The following ATOH8 variants were observed in gnomAD, a reference collection of about 807,000 sequenced individuals.
ATOH8 encodes the protein atonal bHLH transcription factor 8, also known as transcription factor ATOH8.
ATOH8 carries 9 observed loss-of-function variants against 21.2 expected under a neutral mutation model. The observed-to-expected ratio is 0.42, with a 90% CI of 0.26 to 0.74. The LOEUF is 0.74. Ranked by LOEUF, ATOH8 falls within the 30% of genes least tolerant of loss-of-function variation. ATOH8 has a pLI of 0.24. For missense variants in ATOH8, 524 were observed against 470.9 expected (o/e 1.11, Z -1.04); for synonymous variants, 253 against 224.0 (o/e 1.13, Z -1.16).
At position 85,754,525 on chromosome 2, in the gene ATOH8, C is replaced by G; in HGVS notation, c.336C>G (p.Phe112Leu). The change falls in exon 1 of 3, where the codon TTC becomes TTG. Residue 112 changes from phenylalanine to leucine, a missense_variant. Coordinates refer to ENST00000306279, the MANE Select transcript of ATOH8 (RefSeq NM_032827.7). ...TCTCCGACGCGCGGAAACGCTGCTT[C>G]GCCCTAGGCGCAGTGGGGCCAGGAC... ...PEVSDARKRCFALGAVGPGLP... is the reference protein window; with the variant it reads ...PEVSDARKRCLALGAVGPGLP... The G allele has an allele frequency of 1.4e-6, 2 of 1,424,238 alleles. No homozygotes were observed. The highest frequency in any genetic ancestry group is 1.8e-6 in the Non-Finnish European group (2 of 1,099,522). 88.2% of individuals were successfully genotyped at this position (1,424,238 alleles called of 1,614,324 possible).
At chr2:85,774,056 A>T in intron 2 of ATOH8, 1 of 978,186 alleles carries the variant, frequency 1.0e-6, no homozygotes, top group Non-Finnish European at 1.2e-6. Flanking sequence ...AAGCTACCCC[A>T]CCAGCTCCTG....
At chr2:85,777,646 C>T (rs1680361878) in intron 2 of ATOH8, among the ~76,000 whole-genome samples, 1 of 152,210 alleles carries the variant, frequency 6.6e-6, no homozygotes. Flanking sequence ...AGGGCCCATC[C>T]AAGCTGTTTT....
At chr2:85,761,724 C>T (rs1188220139) in intron 1 of ATOH8, among the ~76,000 whole-genome samples, 3 of 152,236 alleles carry the variant, frequency 2.0e-5, no homozygotes, top group Non-Finnish European at 4.4e-5. Context: ...CACACCCTCC[C>T]TGGGGTGAAG....
rs1402277145 is a variant in ATOH8, at chr2:85,785,260, G to A, written c.961-1625G>A. The stretch of plus-strand genomic sequence containing the variant: ...GATGACGCGAGCTGTAAATCACCCC[G>A]TGGACCACAGACCCAGTGCCATCCC... On this transcript the variant is annotated intron_variant, in intron 2 of 2. Coordinates refer to ENST00000306279, the MANE Select transcript of ATOH8 (RefSeq NM_032827.7). This position sits in a 1 kb window ranked among gnomAD's most constrained non-coding sequence, Gnocchi z 4.1. Among the ~76,000 whole-genome samples the A allele has an allele frequency of 3.9e-5, 6 of 152,366 alleles. No homozygotes were observed. The highest frequency in any genetic ancestry group is 4.1e-4 in the South Asian group (2 of 4,826).
At chr2:85,786,296 T>C (rs1006069173) in intron 2 of ATOH8, among the ~76,000 whole-genome samples, 3 of 152,226 alleles carry the variant, frequency 2.0e-5, no homozygotes, top group Non-Finnish European at 4.4e-5. Flanking sequence ...TAGTGTTCCA[T>C]GTACTTCATT....
At chr2:85,765,358 C>T (rs1679984227) in intron 2 of ATOH8, among the ~76,000 whole-genome samples, 1 of 152,240 alleles carries the variant, frequency 6.6e-6, no homozygotes, top group African/African-American at 2.4e-5. Context: ...CCACGGACTC[C>T]AGACTCATGC....
At position 85,787,247 on chromosome 2, in the gene ATOH8, A is replaced by G; in HGVS notation, c.*357A>G. The G allele has an allele frequency of 6.6e-6, 2 of 300,790 alleles. No individual in the cohort carries two copies. The highest frequency in any genetic ancestry group is 1.7e-4 in the South Asian group (2 of 11,964). 18.6% of individuals were successfully genotyped at this position (300,790 alleles called of 1,614,324 possible). On this transcript the variant is annotated 3_prime_UTR_variant, in exon 3 of 3. Coordinates refer to ENST00000306279, the MANE Select transcript of ATOH8 (RefSeq NM_032827.7). ...GTGAAACCCCACAGCGAAAAGCCAC[A>G]CCGTTGCTCTGTGACTTTTGCTCCT...
chr2:85,754,318 C>T lies in ATOH8; in HGVS notation c.129C>T (p.Phe43=). The T allele has an allele frequency of 6.2e-7, 1 of 1,609,352 alleles. No individual in the cohort carries two copies. Among genetic ancestry groups the T allele is most frequent in the Non-Finnish European group, 8.5e-7 (1 of 1,178,608 alleles). ...GGCGCGCGAACGGCTATAAAACTTT[C>T]CGACTGGACTTGGAAGCGCCCGAGC... is the stretch of plus-strand genomic sequence containing the variant. ...PARRANGYKT[F]RLDLEAPEPR... is the part of the protein sequence containing the mutation. Residue 43 remains phenylalanine (F), a synonymous_variant, in exon 1 of 3, where the codon TTC becomes TTT. Coordinates refer to ENST00000306279, the MANE Select transcript of ATOH8 (RefSeq NM_032827.7).
rs900135652 is a variant in ATOH8, at chr2:85,788,771, A to G, written c.*1881A>G. Among the ~76,000 whole-genome samples, 5 of 152,166 alleles carry G rather than the reference A, an allele frequency of 3.3e-5. No homozygotes were observed. Among genetic ancestry groups the G allele is most frequent in the African/African-American group, 9.7e-5 (4 of 41,442 alleles). On this transcript the variant is annotated 3_prime_UTR_variant, in exon 3 of 3. Transcript: ENST00000306279. Reference sequence around the variant, plus strand: ...CCTGGGCTGGGCTGGGGCTGGCTGCAGGGAGCCCCCCTTGCAGTAGCGTTT... The same window carrying G: ...CCTGGGCTGGGCTGGGGCTGGCTGCGGGGAGCCCCCCTTGCAGTAGCGTTT...
chr2:85,761,958 C>T (rs1373794772), intron 1 of ATOH8, among the ~76,000 whole-genome samples: 1 of 152,288 alleles, frequency 6.6e-6, no homozygotes, highest in East Asian at 1.9e-4. Context: ...AGCTGGCTTT[C>T]TCTGTTGCCT....
chr2:85,779,000 C>T (rs1235883415), intron 2 of ATOH8, among the ~76,000 whole-genome samples: 1 of 151,724 alleles, frequency 6.6e-6, no homozygotes, highest in African/African-American at 2.4e-5. Flanking sequence ...AGTGCCCCCT[C>T]CAGCCTGGGT....
At chr2:85,763,035 C>T (rs551543461) in intron 1 of ATOH8, among the ~76,000 whole-genome samples, 1 of 137,124 alleles carries the variant, frequency 7.3e-6, no homozygotes, top group South Asian at 2.4e-4. Flanking sequence ...TGTAGATCCT[C>T]AAGAGCCATA....
chr2:85,774,702 A>T, intron 2 of ATOH8: 2 of 985,486 alleles, frequency 2.0e-6, no homozygotes, highest in Non-Finnish European at 2.4e-6. Context: ...CTACAGGCCA[A>T]GGGATGAGGC....
intron 2 of ATOH8, among the ~76,000 whole-genome samples, chr2:85,781,697 G>A (rs1370294583): frequency 6.6e-6 from 1 of 151,992 alleles, no homozygotes; most frequent in African/African-American, 2.4e-5. Context: ...GCAACAAAGT[G>A]AGACTCCGTC....
chr2:85,758,750 G>A (rs1444204475), intron 1 of ATOH8, among the ~76,000 whole-genome samples: 1 of 152,232 alleles, frequency 6.6e-6, no homozygotes, highest in Non-Finnish European at 1.5e-5. Context: ...CCCAGCACAT[G>A]CCACCAGCGC....
intron 1 of ATOH8, chr2:85,760,944 T>C (rs2030276): frequency 0.97 from 148,493 of 152,378 alleles, 72,372 homozygotes; most frequent in East Asian, 1. Flanking sequence ...CACCATACTT[T>C]GACGTCCTAG....
chr2:85,776,788 G>A (rs1680335894), intron 2 of ATOH8, among the ~76,000 whole-genome samples: 1 of 152,170 alleles, frequency 6.6e-6, no homozygotes, highest in Non-Finnish European at 1.5e-5. Flanking sequence ...AGGCAGCTGG[G>A]CACATGTTGG....
chr2:85,756,013 C>T (rs1371695570), intron 1 of ATOH8, among the ~76,000 whole-genome samples: 1 of 136,830 alleles, frequency 7.3e-6, no homozygotes, highest in Admixed American at 7.6e-5. Context: ...AAACCATGAT[C>T]TTCTTTTTGG....
Position 85,755,343 on chromosome 2 carries a change from G to A in ATOH8, c.768+386G>A, listed in dbSNP as rs181762646. Among the ~76,000 whole-genome samples the A allele has an allele frequency of 2.4e-3, 367 of 152,290 alleles. 2 individuals are homozygous for A. The highest frequency in any genetic ancestry group is 8.2e-3 in the African/African-American group (341 of 41,544). ...CGGAGGAAGGGGGGAGCCTTCTCCA[G>A]TTGGTGGTGGCAAGGTCCGGAACGC... On this transcript the variant is annotated intron_variant, in intron 1 of 2. Coordinates refer to ENST00000306279, the MANE Select transcript of ATOH8 (RefSeq NM_032827.7).
Sources: gnomAD v4.1 joint callset for allele counts (sites outside exome capture counted in the v4.1 genomes callset) on GRCh38, gnomAD v4.1.1 for gene constraint, Gnocchi (gnomAD v3.1) non-coding constraint, MANE v1.5 for transcripts, NCBI Gene and HGNC (gene_info 2026-07-23, HGNC 2026-07-21) for gene names.